The following TYR variants were observed in gnomAD, a reference collection of about 807,000 sequenced individuals.
TYR encodes tyrosinase, also known as LB24-AB.
Under a neutral mutation model 51.5 loss-of-function variants are expected in TYR, and 58 were observed. That is an observed-to-expected ratio of 1.13 (90% CI 0.91 to 1.40). TYR has a LOEUF of 1.40. Among genes scored for constraint, TYR ranks in the 40% most tolerant of loss-of-function variants. TYR has a pLI of 0.00. For missense variants in TYR, 732 were observed against 647.4 expected, an observed-to-expected ratio of 1.13 and a Z score of -1.42; for synonymous variants, 263 against 235.2, an observed-to-expected ratio of 1.12 and a Z score of -1.08.
chr11:89,185,937 G>C (rs1274984351), intron 1 of TYR, among the ~76,000 whole-genome samples: 1 of 152,120 alleles, frequency 6.6e-6, no homozygotes, highest in African/African-American at 2.4e-5. Flanking sequence ...ATTTGGTGAA[G>C]GATTCCTGAA....
intron 3 of TYR, among the ~76,000 whole-genome samples, chr11:89,268,139 G>T (rs115678590): frequency 0.012 from 1,768 of 151,902 alleles, 32 homozygotes; most frequent in African/African-American, 0.041. Flanking sequence ...TTTCTCATCT[G>T]TAAAATACAA....
intron 3 of TYR, among the ~76,000 whole-genome samples, chr11:89,273,411 C>A (rs371019523): frequency 9.1e-4 from 138 of 151,870 alleles, no homozygotes; most frequent in South Asian, 2.3e-3. Context: ...GCAGGTGGAG[C>A]AGTCAGAACA....
intron 2 of TYR, among the ~76,000 whole-genome samples, chr11:89,213,701 G>C (rs1375357256): frequency 6.6e-6 from 1 of 152,082 alleles, no homozygotes; most frequent in Non-Finnish European, 1.5e-5. Context: ...ATACTACAAG[G>C]CTACACTAAC....
At chr11:89,260,430 T>C (rs151093852) in intron 3 of TYR, among the ~76,000 whole-genome samples, 1,779 of 152,176 alleles carry the variant, frequency 0.012, 34 homozygotes, top group African/African-American at 0.041. Context: ...AAAGAAAATA[T>C]TGTGACCCCA....
intron 3 of TYR, among the ~76,000 whole-genome samples, chr11:89,229,763 C>G (rs12795158): frequency 0.24 from 35,738 of 151,678 alleles, 6,673 homozygotes; most frequent in African/African-American, 0.52. Flanking sequence ...TGAACTATCT[C>G]AAAAAGAAAC....
intron 3 of TYR, among the ~76,000 whole-genome samples, chr11:89,261,680 G>A (rs1259858244): frequency 5.3e-5 from 8 of 152,052 alleles, no homozygotes; most frequent in African/African-American, 1.2e-4. Flanking sequence ...GAAAAAACTT[G>A]CGCAATACTA....
At chr11:89,220,267 A>G (rs75731286) in intron 2 of TYR, among the ~76,000 whole-genome samples, 2,880 of 152,296 alleles carry the variant, frequency 0.019, 89 homozygotes, top group African/African-American at 0.066. Context: ...GAGAGCACGC[A>G]CATTATATCG....
In TYR at chr11:89,192,578, C is replaced by T. The variant is rs1943460179; in HGVS notation, c.1036+1160C>T. ...TGCAGAGTGGTTTTACTGTTTCATT[C>T]ATTTCCCTGTTTTATTCAAAACCAT... On this transcript the variant is annotated intron_variant, in intron 2 of 4. Transcript: ENST00000263321. Among the ~76,000 whole-genome samples, 4 of 152,068 alleles carry T rather than the reference C, an allele frequency of 2.6e-5. No homozygotes were observed. In the South Asian group the frequency reaches 6.2e-4, roughly 24 times the overall value.
intron 3 of TYR, among the ~76,000 whole-genome samples, chr11:89,237,918 C>T (rs574036239): frequency 2.0e-5 from 3 of 152,210 alleles, no homozygotes; most frequent in African/African-American, 7.2e-5. Context: ...TCACTCCCAC[C>T]TCCACCTCCC....
chr11:89,245,918 C>T (rs1347871257), intron 3 of TYR, among the ~76,000 whole-genome samples: 1 of 110,854 alleles, frequency 9.0e-6, no homozygotes, highest in Admixed American at 8.7e-5. Context: ...AAGACTCCAT[C>T]TCAAAAAAAA....
At chr11:89,284,587 A>C (rs1225598325) in intron 3 of TYR, among the ~76,000 whole-genome samples, 186 bp from the exon 4 acceptor site, 1 of 151,946 alleles carries the variant, frequency 6.6e-6, no homozygotes, top group Non-Finnish European at 1.5e-5. Context: ...ATTTTAAATG[A>C]GTGAACTTCA....
intron 4 of TYR, among the ~76,000 whole-genome samples, 189 bp downstream of exon 4, chr11:89,285,143 G>A (rs1343019761): frequency 6.6e-6 from 1 of 151,622 alleles, no homozygotes. Flanking sequence ...TTAAAGTCAT[G>A]GTCATTTTGC....
intron 2 of TYR, among the ~76,000 whole-genome samples, chr11:89,205,846 T>C (rs1943665270): frequency 6.6e-6 from 1 of 152,164 alleles, no homozygotes; most frequent in Non-Finnish European, 1.5e-5. Flanking sequence ...TGTGATTTAA[T>C]GGTTGAAACA....
At chr11:89,275,087 G>A (rs770670853) in intron 3 of TYR, among the ~76,000 whole-genome samples, 5 of 151,788 alleles carry the variant, frequency 3.3e-5, no homozygotes, top group Admixed American at 3.3e-4. Context: ...GCTCCTCATA[G>A]CCTGTGAATA....
At chr11:89,239,968 C>A (rs1185380228) in intron 3 of TYR, among the ~76,000 whole-genome samples, 1 of 152,114 alleles carries the variant, frequency 6.6e-6, no homozygotes, top group African/African-American at 2.4e-5. Context: ...ATGATCTATC[C>A]TTATGATAAA....
chr11:89,294,226 ACC>A (rs1944880838), intron 4 of TYR: 1 of 151,874 alleles, frequency 6.6e-6, no homozygotes, highest in Non-Finnish European at 1.5e-5. Context: ...CGACTTTTTT[ACC>A]CTTTTCATTC....
At chr11:89,262,216 G>T (rs1010139417) in intron 3 of TYR, among the ~76,000 whole-genome samples, 8 of 151,870 alleles carry the variant, frequency 5.3e-5, no homozygotes, top group African/African-American at 1.9e-4. Context: ...CTGCCACTAG[G>T]CCCAGCTAAT....
At position 89,188,760 on chromosome 11, in the gene TYR, T is replaced by C. The variant is rs1003030969; in HGVS notation, c.820-2442T>C. 2.6e-5 allele frequency among the ~76,000 whole-genome samples: 4 copies of C among 151,908 alleles called. No homozygotes were observed. In the East Asian group the frequency reaches 5.8e-4, roughly 22 times the overall value. On this transcript the variant is annotated intron_variant, in intron 1 of 4. Transcript: ENST00000263321. ...AAGATATGAATAACCCAAGCAGGTATCAAGGGAAAACAGTCTACCCAGAAA... is the reference window on the plus strand; with the variant it reads ...AAGATATGAATAACCCAAGCAGGTACCAAGGGAAAACAGTCTACCCAGAAA...
intron 1 of TYR, among the ~76,000 whole-genome samples, chr11:89,185,938 G>A (rs636613): frequency 6.6e-6 from 1 of 152,124 alleles, no homozygotes; most frequent in African/African-American, 2.4e-5. Flanking sequence ...TTTGGTGAAG[G>A]ATTCCTGAAA....
Sources: allele counts gnomAD v4.1 joint callset (sites outside exome capture counted in the v4.1 genomes callset), GRCh38; gene constraint gnomAD v4.1.1; transcripts MANE v1.5; gene names NCBI Gene and HGNC (gene_info 2026-07-23, HGNC 2026-07-21).